The following RANBP2 variants were observed in gnomAD, a reference collection of about 807,000 sequenced individuals.
The protein encoded by RANBP2 is E3 SUMO-protein ligase RanBP2.
A neutral mutation model predicts 303.6 loss-of-function variants in RANBP2; 57 were observed. The observed-to-expected ratio is 0.19, with a 90% CI of 0.15 to 0.23. The LOEUF (loss-of-function observed/expected upper bound fraction) is 0.23. Ranked by LOEUF, RANBP2 falls within the 10% of genes least tolerant of loss-of-function variation. The pLI is 1.00. For synonymous variants in RANBP2, 1,167 were observed against 1,301.5 expected (o/e 0.90, Z 2.23); for missense variants, 3,138 against 3,780.8 (o/e 0.83, Z 4.46).
the RANBP2 span, among the ~76,000 whole-genome samples, chr2:109,423,435 A>G: frequency 6.6e-6 from 1 of 152,280 alleles, no homozygotes; most frequent in East Asian, 1.9e-4. Context: ...ACCATCCTCA[A>G]TAACAACAGT....
the RANBP2 span, chr2:109,436,836 C>G: frequency 6.4e-7 from 1 of 1,574,412 alleles, no homozygotes; most frequent in Admixed American, 1.8e-5. Flanking sequence ...CAGAGGCCCA[C>G]ATGGCACGAA....
chr2:108,777,094 A>G, intron 24 of RANBP2, 36 bp from the exon 25 acceptor site: 1 of 1,577,088 alleles, frequency 6.3e-7, no homozygotes, highest in Non-Finnish European at 8.7e-7. Context: ...TTCAGCACAA[A>G]TTAAATAGTA....
chr2:109,543,644 T>C, the RANBP2 span: 1 of 152,340 alleles, frequency 6.6e-6, no homozygotes, highest in Non-Finnish European at 1.5e-5. Flanking sequence ...AGCCACGATA[T>C]TAATGGGTTC....
At chr2:108,722,569 G>A in intron 1 of RANBP2, among the ~76,000 whole-genome samples, 1 of 150,638 alleles carries the variant, frequency 6.6e-6, no homozygotes, top group Non-Finnish European at 1.5e-5. Flanking sequence ...TATCTTTCTA[G>A]TCTTTCATTG....
At chr2:109,402,013 T>C in the RANBP2 span, among the ~76,000 whole-genome samples, 2 of 152,144 alleles carry the variant, frequency 1.3e-5, no homozygotes, top group South Asian at 4.2e-4. Context: ...GGGCAAGAGG[T>C]CAAATAAAGC....
At chr2:108,750,401 T>TA (rs1429327794) in intron 9 of RANBP2, among the ~76,000 whole-genome samples, 2 of 152,220 alleles carry the variant, frequency 1.3e-5, no homozygotes, top group African/African-American at 2.4e-5. Context: ...CATACTCTGA[T>TA]AAAAACTTCA....
the RANBP2 span, among the ~76,000 whole-genome samples, chr2:108,899,667 T>C: frequency 6.6e-6 from 1 of 152,182 alleles, no homozygotes. Context: ...AAGGTTTTTA[T>C]ACTTCATTCA....
At chr2:109,552,032 C>T in the RANBP2 span, among the ~76,000 whole-genome samples, 2 of 152,226 alleles carry the variant, frequency 1.3e-5, no homozygotes, top group African/African-American at 4.8e-5. Flanking sequence ...ACAAGCATTA[C>T]TGCCTGAGCT....
At chr2:109,343,624 A>C in the RANBP2 span, among the ~76,000 whole-genome samples, 32,141 of 151,976 alleles carry the variant, frequency 0.21, 3,922 homozygotes, top group African/African-American at 0.35. Context: ...TGCTCTCAGT[A>C]CCAGACTCGA....
chr2:109,614,681 C>A, the RANBP2 span: 1 of 1,487,384 alleles, frequency 6.7e-7, no homozygotes, highest in Non-Finnish European at 8.9e-7. Context: ...ACGCCGTGGC[C>A]ACTGTGCGCG....
chr2:109,357,281 A>G, the RANBP2 span, among the ~76,000 whole-genome samples: 1 of 151,944 alleles, frequency 6.6e-6, no homozygotes, highest in Non-Finnish European at 1.5e-5. Flanking sequence ...TCCCAGGCTC[A>G]TGCCATTCTC....
chr2:109,251,419 A>C, the RANBP2 span: 2 of 704,856 alleles, frequency 2.8e-6, no homozygotes, highest in South Asian at 1.4e-5. Context: ...TGGAGTAGAC[A>C]CCATGAGCAA....
chr2:108,907,848 C>T, the RANBP2 span: 1 of 1,613,368 alleles, frequency 6.2e-7, no homozygotes, highest in Non-Finnish European at 8.5e-7. Flanking sequence ...ATGGCACCTG[C>T]AGGAGCCTCA....
chr2:108,948,295 T>C, the RANBP2 span, among the ~76,000 whole-genome samples: 1 of 152,332 alleles, frequency 6.6e-6, no homozygotes, highest in Admixed American at 6.5e-5. Flanking sequence ...ATTCAACAAG[T>C]CTGTAGGAAG....
At chr2:108,793,307 T>C in the RANBP2 span, among the ~76,000 whole-genome samples, 1 of 152,022 alleles carries the variant, frequency 6.6e-6, no homozygotes, top group African/African-American at 2.4e-5. Flanking sequence ...CACTCCAGCC[T>C]GGGCGACAGA....
At chr2:109,293,401 G>A in the RANBP2 span, among the ~76,000 whole-genome samples, 5 of 152,214 alleles carry the variant, frequency 3.3e-5, no homozygotes, top group African/African-American at 7.2e-5. Context: ...TCTCTTGTCT[G>A]GACTGATCTG....
chr2:109,016,912 C>T, the RANBP2 span, among the ~76,000 whole-genome samples: 38 of 152,332 alleles, frequency 2.5e-4, 1 homozygote, highest in South Asian at 7.7e-3. Flanking sequence ...GAACGGGATA[C>T]AATTCCCACT....
the RANBP2 span, among the ~76,000 whole-genome samples, chr2:109,102,391 C>T: frequency 2.7e-5 from 4 of 150,518 alleles, no homozygotes; most frequent in Admixed American, 6.6e-5. Context: ...TGAGCCACCG[C>T]GCCCGGCTGC....
the RANBP2 span, among the ~76,000 whole-genome samples, chr2:109,724,897 T>C: frequency 0.97 from 147,886 of 152,200 alleles, 71,998 homozygotes; most frequent in Middle Eastern, 1. Context: ...CTGGGCACCC[T>C]ACCCCCAAAG....
Sources: gnomAD v4.1 joint callset for allele counts (sites outside exome capture counted in the v4.1 genomes callset) on GRCh38, gnomAD v4.1.1 for gene constraint, MANE v1.5 for transcripts, NCBI Gene and HGNC (gene_info 2026-07-23, HGNC 2026-07-21) for gene names.